The following CCNE2 variants were observed in gnomAD, a reference collection of about 807,000 sequenced individuals.
CCNE2 encodes the protein cyclin E2.
CCNE2 carries 18 observed loss-of-function variants against 56.8 expected under a neutral mutation model. That is an observed-to-expected ratio of 0.32 (90% CI 0.22 to 0.47). CCNE2 has a LOEUF of 0.47. Among genes scored for constraint, CCNE2 ranks in the 20% least tolerant of loss-of-function variants. The pLI, the probability that CCNE2 is intolerant of heterozygous loss-of-function variation, is 1.00. For missense variants in CCNE2, 371 were observed against 467.1 expected (o/e 0.79, Z 1.90); for synonymous variants, 139 against 149.2 (o/e 0.93, Z 0.50).
chr8:94,887,257 G>A (rs1288989090), intron 7 of CCNE2, among the ~76,000 whole-genome samples: 1 of 152,180 alleles, frequency 6.6e-6, no homozygotes, highest in Non-Finnish European at 1.5e-5. Context: ...TGTAGTCCCA[G>A]CACGCTGGGA....
intron 6 of CCNE2, among the ~76,000 whole-genome samples, chr8:94,888,561 G>T (rs1248751248): frequency 6.6e-6 from 1 of 151,090 alleles, no homozygotes; most frequent in African/African-American, 2.4e-5. Flanking sequence ...TTTTTGACAG[G>T]GTCTCACTTT....
intron 5 of CCNE2, chr8:94,891,769 G>A: frequency 7.6e-7 from 1 of 1,319,952 alleles, no homozygotes; most frequent in Non-Finnish European, 1.1e-6. Flanking sequence ...GTGTACCCAG[G>A]CCAAGCAGTG....
chr8:94,881,484 T>C lies in CCNE2; in HGVS notation c.*148A>G. 1.4e-6 allele frequency: 1 copy of C among 696,814 alleles called. No individual in the cohort carries two copies. Among genetic ancestry groups the C allele is most frequent in the Non-Finnish European group, 2.4e-6 (1 of 418,288 alleles). The allele number at this position is 696,814 out of a possible 1,614,324, so 43.2% of individuals were successfully genotyped here. A position where few individuals can be genotyped will look rare whatever the true frequency, so the allele number is the denominator to read the frequency against. ...TAAATGTATTCTTTAGTGCCAATTGTAAGTTTTAAAATCAGAATGGCAGTG... is the reference window on the plus strand; with the variant it reads ...TAAATGTATTCTTTAGTGCCAATTGCAAGTTTTAAAATCAGAATGGCAGTG... On this transcript the variant is annotated 3_prime_UTR_variant, in exon 12 of 12. Coordinates refer to ENST00000308108, the MANE Select transcript of CCNE2 (RefSeq NM_057749.3).
intron 9 of CCNE2, chr8:94,883,637 G>A: frequency 4.1e-6 from 1 of 246,218 alleles, no homozygotes. Flanking sequence ...TTTATAGGCT[G>A]ATTCTTGAAG....
chr8:94,892,893 G>C lies in CCNE2; in HGVS notation c.242C>G (p.Thr81Arg). Residue 81 changes from threonine to arginine, a missense_variant, in exon 5 of 12, where the codon ACA (threonine) becomes AGA (arginine). Coordinates refer to ENST00000308108, the MANE Select transcript of CCNE2 (RefSeq NM_057749.3). ...ATTTGTAAATCTGGAGAAATCACTT[G>C]TTCCTATTTCTTTGTGAGGTGTTTC... ...IIETPHKEIG[T>R]SDFSRFTNYR... 1.3e-6 allele frequency: 2 copies of C among 1,527,878 alleles called. No homozygotes were observed. The highest frequency in any genetic ancestry group is 2.2e-5 in the Admixed American group (1 of 45,068). The allele number at this position is 1,527,878 out of a possible 1,614,324, so 94.6% of individuals were successfully genotyped here. A position where few individuals can be genotyped will look rare whatever the true frequency, so the allele number is the denominator to read the frequency against.
intron 1 of CCNE2, 54 bp from the exon 2 acceptor site, chr8:94,894,301 C>A: frequency 6.4e-7 from 1 of 1,574,748 alleles, no homozygotes; most frequent in South Asian, 1.1e-5. Context: ...TCACATTCTC[C>A]AAGTGCCAGT....
chr8:94,890,587 A>ATT, intron 5 of CCNE2, 37 bp from the exon 6 acceptor site: 1 of 562,048 alleles, frequency 1.8e-6, no homozygotes, highest in Non-Finnish European at 2.2e-6. Context: ...ATATATATAT[A>ATT]TATATTTTTT....
upstream of CCNE2, chr8:94,896,057 G>C (rs1027173630): frequency 2.1e-4 from 32 of 153,602 alleles, no homozygotes; most frequent in African/African-American, 7.5e-4. Flanking sequence ...CAGTCCCCGC[G>C]CAGGAAACGC....
intron 5 of CCNE2, 64 bp from the exon 6 acceptor site, chr8:94,890,614 A>G (rs542032527): frequency 3.4e-4 from 151 of 448,990 alleles, no homozygotes; most frequent in South Asian, 9.9e-4. Flanking sequence ...TTTTTTTGAG[A>G]CAGAGTCTCG....
intron 10 of CCNE2, 119 bp from the exon 11 acceptor site, chr8:94,882,408 C>A: frequency 2.5e-6 from 2 of 793,616 alleles, no homozygotes. Flanking sequence ...AAATCATAAC[C>A]AAGAAGTTTA....
chr8:94,892,672 C>G (rs919331973), intron 5 of CCNE2, 146 bp downstream of exon 5: 6 of 485,060 alleles, frequency 1.2e-5, no homozygotes, highest in Non-Finnish European at 1.1e-5. Context: ...CAGCACTACT[C>G]TCAGATAAAA....
chr8:94,894,402 C>T (rs1441173603), intron 1 of CCNE2, 155 bp from the exon 2 acceptor site: 2 of 660,618 alleles, frequency 3.0e-6, no homozygotes, highest in Non-Finnish European at 5.2e-6. Context: ...TTAGCTAGCT[C>T]ATGGTAATTC....
chr8:94,885,041 C>G, intron 9 of CCNE2, 26 bp downstream of exon 9: 1 of 1,601,260 alleles, frequency 6.2e-7, no homozygotes, highest in Non-Finnish European at 8.5e-7. Flanking sequence ...ATAACATTAC[C>G]ATTGAATCAA....
chr8:94,885,213 A>C lies in CCNE2; in HGVS notation c.697-12T>G. 5 of 1,612,168 alleles carry C rather than the reference A, an allele frequency of 3.1e-6. No homozygotes were observed. The highest frequency in any genetic ancestry group is 4.2e-6 in the Non-Finnish European group (5 of 1,178,724). On this transcript the variant is annotated splice_polypyrimidine_tract_variant and intron_variant, in intron 8 of 11. Coordinates refer to ENST00000308108, the MANE Select transcript of CCNE2 (RefSeq NM_057749.3). ...TCCCATTTTAAAGCCTATTAAACAA[A>C]ATTTAAAAATGCCTGTTAATGAATG...
rs1343454062 is a variant in CCNE2, at chr8:94,880,254, T to TTTTA, written c.*1374_*1377dup. The TTTTA allele has an allele frequency of 7.5e-7, 1 of 1,340,512 alleles. No individual in the cohort carries two copies. Among genetic ancestry groups the TTTTA allele is most frequent in the African/African-American group, 1.5e-5 (1 of 67,438 alleles). 83.0% of individuals were successfully genotyped at this position (1,340,512 alleles called of 1,614,324 possible). A position where few individuals can be genotyped will look rare whatever the true frequency, so the allele number is the denominator to read the frequency against. On this transcript the variant is annotated 3_prime_UTR_variant, in exon 12 of 12. Transcript: ENST00000308108. ...TTTTAAGCAGTTAAATTTTTTTAACTTTTATTTTTTAAACAATGGGCTAAA... is the reference window on the plus strand; with the variant it reads ...TTTTAAGCAGTTAAATTTTTTTAACTTTTATTTATTTTTTAAACAATGGGCTAAA...
chr8:94,895,105 C>T, intron 1 of CCNE2, 72 bp downstream of exon 1: 1 of 884,682 alleles, frequency 1.1e-6, no homozygotes. Flanking sequence ...GAGGCTCCCG[C>T]CTGTGGTAAG....
chr8:94,885,392 A>G lies in CCNE2; in HGVS notation c.696+71T>C, dbSNP rs28399575. 1,747 of 1,117,512 alleles carry G rather than the reference A, an allele frequency of 1.6e-3. 21 individuals carry two copies. The African/African-American group carries it at 0.025, about 16-fold the overall frequency. 69.2% of individuals were successfully genotyped at this position (1,117,512 alleles called of 1,614,324 possible). ...TTTTACATTGTAGTATTTGAGATTC[A>G]ATTATAACTACTTATGTTACTTAGT... On this transcript the variant is annotated intron_variant, in intron 8 of 11. Coordinates refer to ENST00000308108, the MANE Select transcript of CCNE2 (RefSeq NM_057749.3).
Position 94,881,272 on chromosome 8 carries a change from C to A in CCNE2, c.*360G>T, listed in dbSNP as rs144882179. 9 of 357,436 alleles carry A rather than the reference C, an allele frequency of 2.5e-5. No individual in the cohort carries two copies. The highest frequency in any genetic ancestry group is 4.0e-5 in the Non-Finnish European group (8 of 201,136). 22.1% of individuals were successfully genotyped at this position (357,436 alleles called of 1,614,324 possible). On this transcript the variant is annotated 3_prime_UTR_variant, in exon 12 of 12. Coordinates refer to ENST00000308108, the MANE Select transcript of CCNE2 (RefSeq NM_057749.3). ...ACTTAGTATACCCTTTAAGGTAGCA[C>A]TTATCCAGTCCAAAACTCCAGTGAC...
rs201583957 is a variant in CCNE2 at position 94,888,110 on chromosome 8, G to A, written c.454-37C>T. ...TCCAAACATTTAAATATTATCTTCTGAATTTCTCCAAATTAGAAAGTCATC... is the reference window on the plus strand; with the variant it reads ...TCCAAACATTTAAATATTATCTTCTAAATTTCTCCAAATTAGAAAGTCATC... On this transcript the variant is annotated intron_variant, in intron 6 of 11. Transcript: ENST00000308108. The A allele has an allele frequency of 1.5e-5, 21 of 1,415,712 alleles. 1 individual carries two copies. The highest frequency in any genetic ancestry group is 1.1e-4 in the South Asian group (8 of 72,508). 87.7% of individuals were successfully genotyped at this position (1,415,712 alleles called of 1,614,324 possible).
Sources: gnomAD v4.1 joint callset for allele counts (sites outside exome capture counted in the v4.1 genomes callset) on GRCh38, gnomAD v4.1.1 for gene constraint, MANE v1.5 for transcripts, NCBI Gene and HGNC (gene_info 2026-07-23, HGNC 2026-07-21) for gene names.